Variants in PWWP2B observed in about 807,000 individuals in gnomAD.
PWWP2B encodes PWWP domain containing 2B, also known as PWWP domain-containing protein 2B.
PWWP2B carries 9 observed loss-of-function variants against 15.5 expected under a neutral mutation model. The ratio of observed to expected loss-of-function variants is 0.58; its 90% confidence interval spans 0.35 to 1.02. The LOEUF (loss-of-function observed/expected upper bound fraction) is 1.02, where lower values mean the gene tolerates loss of function less well. Among genes scored for constraint, PWWP2B ranks in the 50% least tolerant of loss-of-function variants. The pLI, the probability that PWWP2B is intolerant of heterozygous loss-of-function variation, is 0.02. For missense variants in PWWP2B, 864 were observed against 865.3 expected, an observed-to-expected ratio of 1.00 and a Z score of 0.02; for synonymous variants, 474 against 403.6, an observed-to-expected ratio of 1.17 and a Z score of -2.09.
chr10:132,397,310 C>T lies in PWWP2B; in HGVS notation c.84C>T (p.Gly28=). ...CGCTGGTGGTCACGGTGAGCTGCGG[C>T]GAGCGGAGCTTCGCGGGGATCCTGC... ...NGALVVTVSC[G]ERSFAGILLD... Residue 28 remains glycine (G), a synonymous_variant, in exon 1 of 3, where the codon GGC becomes GGT. Transcript: ENST00000305233. The T allele has an allele frequency of 7.0e-7, 1 of 1,432,078 alleles. No individual in the cohort carries two copies. Among genetic ancestry groups the T allele is most frequent in the Non-Finnish European group, 9.2e-7 (1 of 1,082,738 alleles). 88.7% of individuals were successfully genotyped at this position (1,432,078 alleles called of 1,614,324 possible).
chr10:132,400,748 A>G (rs534037637), intron 1 of PWWP2B, among the ~76,000 whole-genome samples: 7 of 152,354 alleles, frequency 4.6e-5, no homozygotes, highest in Non-Finnish European at 7.4e-5. Context: ...TGCCAGACTC[A>G]GGCTGTCCTG....
chr10:132,405,098 G>A lies in PWWP2B; in HGVS notation c.598G>A (p.Ala200Thr). ...CCCCGGACCCCCAGCCGCGCCCAGG[G>A]CCCGCAGGAGGCTGGGCAGCGGCCC... ...ASPGPPAAPR[A>T]RRRLGSGPDR... Residue 200 changes from alanine to threonine, a missense_variant, in exon 2 of 3, where the codon GCC (alanine) becomes ACC (threonine). Physicochemically the swap from Ala to Thr is moderately conservative, Grantham distance 58. This residue lies in a region of PWWP2B where 736 missense variants were observed against 687.7 expected (regional missense o/e 1.07). Coordinates refer to ENST00000305233, the MANE Select transcript of PWWP2B (RefSeq NM_138499.4). 1.3e-6 allele frequency: 2 copies of A among 1,536,056 alleles called. No homozygotes were observed. The highest frequency in any genetic ancestry group is 1.8e-6 in the Non-Finnish European group (2 of 1,141,430).
chr10:132,404,691 A>G lies in PWWP2B; in HGVS notation c.191A>G (p.Asp64Gly). ...CAGGTCGATGAGTCCCCTGTCAACG[A>G]CAGCCATGGCCGGGCTCCCGAGGAG... ...LPQVDESPVN[D>G]SHGRAPEEGD... The change falls in exon 2 of 3, where the codon GAC becomes GGC. Residue 64 changes from aspartate (D) to glycine (G), a missense_variant. Around this residue, in one of 2 missense-constraint regions of PWWP2B, gnomAD observed 736 missense variants for 687.7 expected, o/e 1.07. Transcript: ENST00000305233. The G allele has an allele frequency of 6.2e-7, 1 of 1,612,336 alleles. No homozygotes were observed. Among genetic ancestry groups the G allele is most frequent in the East Asian group, 2.2e-5 (1 of 44,846 alleles).
intron 1 of PWWP2B, among the ~76,000 whole-genome samples, chr10:132,403,428 G>A (rs915136785): frequency 6.6e-6 from 1 of 152,212 alleles, no homozygotes; most frequent in Admixed American, 6.5e-5. Context: ...CGTGGATTCT[G>A]TGGACCCGTT....
At chr10:132,398,422 A>T (rs1174750052) in intron 1 of PWWP2B, among the ~76,000 whole-genome samples, 2 of 152,178 alleles carry the variant, frequency 1.3e-5, no homozygotes, top group Non-Finnish European at 2.9e-5. Flanking sequence ...GAGAATCGCC[A>T]CCTGGGAGCT....
intron 2 of PWWP2B, among the ~76,000 whole-genome samples, chr10:132,415,411 ACT>A (rs1384504566): frequency 2.0e-5 from 3 of 147,258 alleles, no homozygotes; most frequent in Non-Finnish European, 3.0e-5. Context: ...ATCCACTCAC[ACT>A]CATTTACACA....
At chr10:132,407,295 G>T (rs959032154) in intron 2 of PWWP2B, among the ~76,000 whole-genome samples, 1 of 152,172 alleles carries the variant, frequency 6.6e-6, no homozygotes, top group Admixed American at 6.5e-5. Context: ...GGCCCTCTGT[G>T]CTCTTCTTCC....
chr10:132,417,381 C>G lies in PWWP2B; in HGVS notation c.*337C>G. 1 of 454,958 alleles carries G rather than the reference C, an allele frequency of 2.2e-6. No individual in the cohort carries two copies. The allele number at this position is 454,958 out of a possible 1,614,324, so 28.2% of individuals were successfully genotyped here. A position where few individuals can be genotyped will look rare whatever the true frequency, so the allele number is the denominator to read the frequency against. ...CATGGAGGAACTGGGCCTGCCGCCC[C>G]GGCCTCACCTGCTGCCCGCATGCTG... is the stretch of plus-strand genomic sequence containing the variant. On this transcript the variant is annotated 3_prime_UTR_variant, in exon 3 of 3. Transcript: ENST00000305233.
At chr10:132,414,982 C>T (rs1377840217) in intron 2 of PWWP2B, among the ~76,000 whole-genome samples, 1 of 152,156 alleles carries the variant, frequency 6.6e-6, no homozygotes, top group Non-Finnish European at 1.5e-5. Flanking sequence ...CAAAATGCAG[C>T]TTCTCTTTAA....
intron 1 of PWWP2B, among the ~76,000 whole-genome samples, chr10:132,399,199 G>A (rs1363121110): frequency 1.3e-5 from 2 of 152,240 alleles, no homozygotes; most frequent in Non-Finnish European, 2.9e-5. Flanking sequence ...AGGGCGTGGT[G>A]CCCGCCCTTA....
intron 1 of PWWP2B, among the ~76,000 whole-genome samples, chr10:132,400,895 A>C (rs375866824): frequency 3.3e-4 from 50 of 152,374 alleles, no homozygotes; most frequent in African/African-American, 1.1e-3. Context: ...GAGGCCAGGC[A>C]GGGGGCTGCC....
At chr10:132,400,268 T>C (rs1419444016) in intron 1 of PWWP2B, among the ~76,000 whole-genome samples, 3 of 152,038 alleles carry the variant, frequency 2.0e-5, no homozygotes, top group Admixed American at 2.0e-4. Flanking sequence ...CTGGCTAGCA[T>C]GGCTGGTCTT....
intron 2 of PWWP2B, among the ~76,000 whole-genome samples, chr10:132,408,275 C>T (rs1343178503): frequency 2.0e-5 from 3 of 152,206 alleles, no homozygotes; most frequent in African/African-American, 4.8e-5. Context: ...GCTGGTGTCT[C>T]GTGGGGCCTG....
At chr10:132,409,947 A>T (rs1191406679) in intron 2 of PWWP2B, among the ~76,000 whole-genome samples, 2 of 152,000 alleles carry the variant, frequency 1.3e-5, no homozygotes, top group African/African-American at 4.8e-5. Flanking sequence ...AGGGCAGGGC[A>T]TGTTCCAGGG....
At chr10:132,407,486 C>T (rs989229805) in intron 2 of PWWP2B, among the ~76,000 whole-genome samples, 5 of 152,196 alleles carry the variant, frequency 3.3e-5, no homozygotes, top group Middle Eastern at 3.4e-3. Flanking sequence ...TTGTTGGGGG[C>T]GGGGACTGGA....
intron 1 of PWWP2B, among the ~76,000 whole-genome samples, chr10:132,400,053 C>A (rs2069595618): frequency 6.6e-6 from 1 of 152,206 alleles, no homozygotes. Flanking sequence ...CCTGTCCCGG[C>A]AGAAGGGCAC....
At chr10:132,403,436 G>A (rs537189367) in intron 1 of PWWP2B, among the ~76,000 whole-genome samples, 3 of 152,320 alleles carry the variant, frequency 2.0e-5, no homozygotes, top group South Asian at 2.1e-4. Flanking sequence ...CTGTGGACCC[G>A]TTTTCCATGG....
chr10:132,416,355 G>A (rs117707152), intron 2 of PWWP2B, among the ~76,000 whole-genome samples: 11 of 152,272 alleles, frequency 7.2e-5, no homozygotes, highest in Non-Finnish European at 1.0e-4. Context: ...GGGGCTGACA[G>A]TGTCTGTCTC....
At chr10:132,402,948 C>T (rs1173986096) in intron 1 of PWWP2B, among the ~76,000 whole-genome samples, 7 of 152,356 alleles carry the variant, frequency 4.6e-5, no homozygotes, top group South Asian at 2.1e-4. Context: ...CTGTGCTCCT[C>T]GGTCCTGGCG....
Sources: allele counts gnomAD v4.1 joint callset (sites outside exome capture counted in the v4.1 genomes callset), GRCh38; gene constraint gnomAD v4.1.1; regional missense constraint gnomAD v4.1.1; transcripts MANE v1.5; gene names NCBI Gene and HGNC (gene_info 2026-07-23, HGNC 2026-07-21).